NAA11: variants seen among roughly 807,000 people sequenced by gnomAD.
NAA11 encodes N-alpha-acetyltransferase 11.
A neutral mutation model predicts 16.1 loss-of-function variants in NAA11; 15 were observed. The observed-to-expected ratio is 0.93, with a 90% CI of 0.62 to 1.44. The LOEUF (loss-of-function observed/expected upper bound fraction) is 1.44, where lower values mean the gene tolerates loss of function less well. NAA11 is among the 40% of genes most tolerant of loss of function. NAA11 has a pLI of 0.00. For missense variants in NAA11, 298 were observed against 291.3 expected (o/e 1.02, Z -0.17); for synonymous variants, 122 against 112.4 (o/e 1.09, Z -0.54).
rs889013076 is a variant in NAA11, at chr4:79,317,348, T to C, written c.*456A>G. The C allele has an allele frequency of 1.3e-5, 2 of 152,192 alleles. No homozygotes were observed. Among genetic ancestry groups the C allele is most frequent in the African/African-American group, 4.8e-5 (2 of 41,440 alleles). 9.4% of individuals were successfully genotyped at this position (152,192 alleles called of 1,614,324 possible). A position where few individuals can be genotyped will look rare whatever the true frequency, so the allele number is the denominator to read the frequency against. On this transcript the variant is annotated 3_prime_UTR_variant, in exon 2 of 2. Transcript: ENST00000286794. ...GAAGAGGGCATGAGGTCTGACTTCA[T>C]GGTCCTGACTACTTCACCTCCTCAA...
chr4:79,284,085 A>C (rs1578178110), intron 2 of NAA11, among the ~76,000 whole-genome samples: 1 of 152,202 alleles, frequency 6.6e-6, no homozygotes, highest in East Asian at 1.9e-4. Context: ...TTATAAATGC[A>C]ATGCTTTGTC....
At chr4:79,221,374 C>G (rs1301111443), downstream of NAA11, among the ~76,000 whole-genome samples, 1 of 132,892 alleles carries the variant, frequency 7.5e-6, no homozygotes, top group Admixed American at 7.7e-5. Context: ...ATTTCCTTCT[C>G]CTGCCTAATT....
At chr4:79,248,993 C>T (rs933962926) in intron 2 of NAA11, among the ~76,000 whole-genome samples, 4 of 151,924 alleles carry the variant, frequency 2.6e-5, no homozygotes, top group East Asian at 2.0e-4. Flanking sequence ...GCACTTGAGC[C>T]CCCCCCCAGT....
the NAA11 span, among the ~76,000 whole-genome samples, chr4:79,187,840 A>G: frequency 2.0e-5 from 3 of 151,792 alleles, no homozygotes. Flanking sequence ...ACTAAAAAAT[A>G]CAAAAAAAAT....
At chr4:79,189,251 GAAGA>G in the NAA11 span, among the ~76,000 whole-genome samples, 1 of 151,394 alleles carries the variant, frequency 6.6e-6, no homozygotes, top group African/African-American at 2.4e-5. Context: ...AGAGATTTGA[GAAGA>G]AAGGATGCAG....
At chr4:79,241,882 G>T (rs1213575056) in intron 2 of NAA11, among the ~76,000 whole-genome samples, 1 of 152,206 alleles carries the variant, frequency 6.6e-6, no homozygotes, top group Non-Finnish European at 1.5e-5. Context: ...GACCTTTCAG[G>T]TCCAAATCCA....
At chr4:79,258,928 T>G (rs1352943217) in intron 2 of NAA11, 1 of 210,036 alleles carries the variant, frequency 4.8e-6, no homozygotes, top group South Asian at 6.4e-5. Flanking sequence ...TCCTCTCTGC[T>G]GAGAGCAGCA....
chr4:79,291,295 C>CTA (rs201669975), intron 2 of NAA11, among the ~76,000 whole-genome samples: 5 of 113,538 alleles, frequency 4.4e-5, no homozygotes, highest in Admixed American at 1.9e-4. Flanking sequence ...GATCCTGTCT[C>CTA]TACAAAAAAA....
the NAA11 span, among the ~76,000 whole-genome samples, chr4:79,218,117 G>A: frequency 1.3e-5 from 2 of 151,996 alleles, no homozygotes; most frequent in African/African-American, 4.8e-5. Context: ...CATAACTGAG[G>A]CCCAGAAAGA....
the NAA11 span, among the ~76,000 whole-genome samples, chr4:79,193,306 A>G: frequency 6.6e-6 from 1 of 152,184 alleles, no homozygotes; most frequent in Non-Finnish European, 1.5e-5. Flanking sequence ...GCCCATGCCT[A>G]TGTCCTGAAT....
chr4:79,197,047 G>T, the NAA11 span, among the ~76,000 whole-genome samples: 2 of 150,416 alleles, frequency 1.3e-5, no homozygotes, highest in African/African-American at 4.9e-5. Context: ...AGTCCTGCTA[G>T]CATTTTGATT....
chr4:79,325,990 G>C lies in NAA11; in HGVS notation c.-113C>G. 1 of 868,816 alleles carries C rather than the reference G, an allele frequency of 1.2e-6. No homozygotes were observed. The highest frequency in any genetic ancestry group is 1.8e-6 in the Non-Finnish European group (1 of 564,318). The allele number at this position is 868,816 out of a possible 1,614,324, so 53.8% of individuals were successfully genotyped here. A position where few individuals can be genotyped will look rare whatever the true frequency, so the allele number is the denominator to read the frequency against. On this transcript the variant is annotated 5_prime_UTR_variant, in exon 1 of 2. Coordinates refer to ENST00000286794, the MANE Select transcript of NAA11 (RefSeq NM_032693.3). ...TCGAGTCCAGGGGGCTAACACCACC[G>C]GGCTGAATCGTGTGGAGGGCGGATG... is the stretch of plus-strand genomic sequence containing the variant.
intron 2 of NAA11, among the ~76,000 whole-genome samples, chr4:79,291,353 C>T (rs774005066): frequency 2.6e-5 from 4 of 152,044 alleles, no homozygotes; most frequent in African/African-American, 4.8e-5. Context: ...GTCTCAGCTA[C>T]TAGGGGGTCT....
chr4:79,193,957 G>C, the NAA11 span, among the ~76,000 whole-genome samples: 4 of 152,102 alleles, frequency 2.6e-5, no homozygotes, highest in African/African-American at 9.7e-5. Flanking sequence ...TTGTAAGTTG[G>C]ATTCCTAGGT....
chr4:79,206,751 T>A, the NAA11 span, among the ~76,000 whole-genome samples: 4 of 152,134 alleles, frequency 2.6e-5, no homozygotes, highest in Non-Finnish European at 5.9e-5. Flanking sequence ...GACACAGCAA[T>A]AAGGTAGATG....
Position 79,325,996 on chromosome 4 carries a change from A to C in NAA11, c.-119T>G. On this transcript the variant is annotated 5_prime_UTR_variant, in exon 1 of 2. The change creates a new upstream start codon in the 5' untranslated region. Transcript: ENST00000286794. ...CCAGGGGGCTAACACCACCGGGCTGAATCGTGTGGAGGGCGGATGGCGGGA... is the reference window on the plus strand; with the variant it reads ...CCAGGGGGCTAACACCACCGGGCTGCATCGTGTGGAGGGCGGATGGCGGGA... The C allele has an allele frequency of 1.2e-6, 1 of 816,056 alleles. No individual in the cohort carries two copies. Among genetic ancestry groups the C allele is most frequent in the Non-Finnish European group, 1.9e-6 (1 of 517,190 alleles). 50.6% of individuals were successfully genotyped at this position (816,056 alleles called of 1,614,324 possible).
At chr4:79,307,494 C>G (rs1397033582) in intron 1 of NAA11, among the ~76,000 whole-genome samples, 1 of 152,042 alleles carries the variant, frequency 6.6e-6, no homozygotes, top group Non-Finnish European at 1.5e-5. Context: ...TTTACATACA[C>G]ATGATTATTA....
At chr4:79,263,186 T>C (rs753005077) in intron 2 of NAA11, among the ~76,000 whole-genome samples, 11 of 152,160 alleles carry the variant, frequency 7.2e-5, no homozygotes, top group Non-Finnish European at 1.2e-4. Context: ...CAATAAAAGT[T>C]CATAAAATTA....
intron 2 of NAA11, among the ~76,000 whole-genome samples, chr4:79,253,240 T>C (rs887545939): frequency 6.6e-6 from 1 of 152,182 alleles, no homozygotes; most frequent in Non-Finnish European, 1.5e-5. Context: ...GAGTTCTAGT[T>C]TGAATGTGTT....
Sources: allele counts gnomAD v4.1 joint callset (sites outside exome capture counted in the v4.1 genomes callset), GRCh38; gene constraint gnomAD v4.1.1; transcripts MANE v1.5; gene names NCBI Gene and HGNC (gene_info 2026-07-23, HGNC 2026-07-21).